Variants in THEMIS observed in about 807,000 individuals in gnomAD.
The protein encoded by THEMIS is thymocyte selection associated.
In THEMIS, 37 loss-of-function variants were observed where a neutral mutation model predicts 52.6. That is an observed-to-expected ratio of 0.70 (90% CI 0.54 to 0.93). THEMIS has a LOEUF of 0.93. Ranked by LOEUF, THEMIS falls within the 40% of genes least tolerant of loss-of-function variation. The probability of loss-of-function intolerance (pLI) is 0.00; values close to 1 mark genes in which losing one functional copy is unlikely to be tolerated. For missense variants in THEMIS, 808 were observed against 763.1 expected (o/e 1.06, Z -0.69); for synonymous variants, 292 against 272.7 (o/e 1.07, Z -0.70).
chr6:127,813,578 G>A lies in THEMIS; in HGVS notation c.1063C>T (p.Leu355=). The A allele has an allele frequency of 6.2e-7, 1 of 1,614,010 alleles. No individual in the cohort carries two copies. The highest frequency in any genetic ancestry group is 8.5e-7 in the Non-Finnish European group (1 of 1,179,984). The change falls in exon 4 of 6, where the codon CTA becomes TTA. Residue 355 remains leucine (L), a synonymous_variant. Transcript: ENST00000368248. ...TCCTTTTCACTCTTAGCGATCTCTAGGTCATAGGCCGTTGGGAACTCCCTC... is the reference window on the plus strand; with the variant it reads ...TCCTTTTCACTCTTAGCGATCTCTAAGTCATAGGCCGTTGGGAACTCCCTC... ...RPREFPTAYD[L]EIAKSEKEPL...
At chr6:127,820,014 A>G (rs1778280881) in intron 3 of THEMIS, among the ~76,000 whole-genome samples, 1 of 152,140 alleles carries the variant, frequency 6.6e-6, no homozygotes, top group Admixed American at 6.5e-5. Context: ...TTTAAGAGAG[A>G]GGAGGGAGGA....
intron 2 of THEMIS, among the ~76,000 whole-genome samples, chr6:127,848,538 C>A (rs1210835838): frequency 2.0e-5 from 3 of 151,998 alleles, no homozygotes; most frequent in Non-Finnish European, 4.4e-5. Flanking sequence ...TACAGTCCCA[C>A]CAACAGTGTA....
At chr6:127,726,406 T>A (rs1328203630) in intron 4 of THEMIS, among the ~76,000 whole-genome samples, 4 of 152,164 alleles carry the variant, frequency 2.6e-5, no homozygotes, top group Non-Finnish European at 5.9e-5. Flanking sequence ...CCACCCTTGC[T>A]GTAACTGATT....
chr6:127,730,022 C>G lies in THEMIS; in HGVS notation c.1759-10199G>C, dbSNP rs191869314. 3.5e-4 allele frequency among the ~76,000 whole-genome samples: 54 copies of G among 152,148 alleles called. 1 individual carries two copies. Among genetic ancestry groups the G allele is most frequent in the Admixed American group, 3.3e-3 (50 of 15,276 alleles). ...TGGTGGCTCATGTCTGTAATCCCTG[C>G]GCTTTGGGAAGTTGAGGCAGGAGAA... is the stretch of plus-strand genomic sequence containing the variant. On this transcript the variant is annotated intron_variant, in intron 4 of 5. Transcript: ENST00000368248.
chr6:127,798,991 C>CAAAAAAA (rs760389708), intron 4 of THEMIS, among the ~76,000 whole-genome samples: 1 of 71,524 alleles, frequency 1.4e-5, no homozygotes, highest in Non-Finnish European at 3.0e-5. Flanking sequence ...GACTCCGTCT[C>CAAAAAAA]AAAAAAAAAA....
chr6:127,874,016 T>G (rs1313228263), intron 1 of THEMIS, among the ~76,000 whole-genome samples: 1 of 152,240 alleles, frequency 6.6e-6, no homozygotes, highest in Non-Finnish European at 1.5e-5. Flanking sequence ...TTTTGTTTAC[T>G]TTTTGGGAAT....
chr6:127,904,328 C>G (rs1781216356), upstream of THEMIS, among the ~76,000 whole-genome samples: 1 of 151,994 alleles, frequency 6.6e-6, no homozygotes, highest in Non-Finnish European at 1.5e-5. Flanking sequence ...TTTCAGCAGT[C>G]TTGCAGAACT....
intron 1 of THEMIS, among the ~76,000 whole-genome samples, chr6:127,891,614 C>G (rs912047081): frequency 6.6e-6 from 1 of 151,590 alleles, no homozygotes; most frequent in Non-Finnish European, 1.5e-5. Context: ...ATCTCTTGAA[C>G]TGTTCCTTTC....
At chr6:127,777,415 A>G (rs1224914235) in intron 4 of THEMIS, among the ~76,000 whole-genome samples, 1 of 152,168 alleles carries the variant, frequency 6.6e-6, no homozygotes, top group Admixed American at 6.5e-5. Flanking sequence ...CATTCTTCAT[A>G]ATAATACCTG....
At chr6:127,854,278 T>C (rs1337813628) in intron 2 of THEMIS, among the ~76,000 whole-genome samples, 2 of 151,820 alleles carry the variant, frequency 1.3e-5, no homozygotes, top group East Asian at 1.9e-4. Flanking sequence ...CCAGAGCTGC[T>C]TTCGTGCTAC....
intron 2 of THEMIS, among the ~76,000 whole-genome samples, chr6:127,839,344 T>C (rs576126068): frequency 4.5e-4 from 69 of 152,260 alleles, no homozygotes; most frequent in South Asian, 6.2e-4. Context: ...TATAACTATA[T>C]GTATTCTTAT....
chr6:127,822,185 T>C lies in THEMIS; in HGVS notation c.709+7291A>G, dbSNP rs531162941. ...TATTTGCATTGCATTACAATCCTTA[T>C]TATAGGGCAGTTATTAGATTTACTA... On this transcript the variant is annotated intron_variant, in intron 3 of 5. Transcript: ENST00000368248. Among the ~76,000 whole-genome samples, 8 of 152,150 alleles carry C rather than the reference T, an allele frequency of 5.3e-5. No homozygotes were observed. The East Asian group carries it at 1.3e-3, about 26-fold the overall frequency.
chr6:127,910,832 T>C (rs1220321403), intron 1 of THEMIS, among the ~76,000 whole-genome samples: 1 of 152,162 alleles, frequency 6.6e-6, no homozygotes, highest in East Asian at 1.9e-4. Flanking sequence ...TTTATTAGAT[T>C]TTGCTAACGT....
chr6:127,700,657 C>A, the THEMIS span, among the ~76,000 whole-genome samples: 1 of 151,886 alleles, frequency 6.6e-6, no homozygotes, highest in Non-Finnish European at 1.5e-5. Flanking sequence ...GGAAAAAATG[C>A]ATTCTAGCAA....
chr6:127,723,805 C>A (rs890774682), intron 4 of THEMIS, among the ~76,000 whole-genome samples: 1 of 151,952 alleles, frequency 6.6e-6, no homozygotes, highest in Non-Finnish European at 1.5e-5. Context: ...TCTTTGTGCA[C>A]CTTGTACTTC....
chr6:127,892,896 G>A (rs1780853490), intron 1 of THEMIS, among the ~76,000 whole-genome samples: 1 of 152,062 alleles, frequency 6.6e-6, no homozygotes. Flanking sequence ...GTTGATAGTA[G>A]ATTTGAATTT....
intron 1 of THEMIS, among the ~76,000 whole-genome samples, chr6:127,876,218 C>T (rs1430509123): frequency 3.9e-5 from 6 of 152,134 alleles, no homozygotes; most frequent in Non-Finnish European, 8.8e-5. Context: ...GCACAAGCGT[C>T]TAAATAAGAT....
At chr6:127,893,785 G>T (rs1229492373) in intron 1 of THEMIS, among the ~76,000 whole-genome samples, 3 of 151,990 alleles carry the variant, frequency 2.0e-5, no homozygotes, top group Non-Finnish European at 4.4e-5. Flanking sequence ...ACCACAGGAC[G>T]GGTGGAATCT....
intron 4 of THEMIS, among the ~76,000 whole-genome samples, chr6:127,741,891 G>A (rs1490949041): frequency 1.3e-5 from 2 of 152,300 alleles, no homozygotes; most frequent in East Asian, 3.9e-4. Flanking sequence ...TACAGAACAA[G>A]TGAAAACAAT....
Sources: gnomAD v4.1 joint callset for allele counts (sites outside exome capture counted in the v4.1 genomes callset) on GRCh38, gnomAD v4.1.1 for gene constraint, MANE v1.5 for transcripts, NCBI Gene and HGNC (gene_info 2026-07-23, HGNC 2026-07-21) for gene names.